Variants in MGLL observed in about 807,000 individuals in gnomAD.
MGLL encodes the protein monoglyceride lipase.
A neutral mutation model predicts 29.1 loss-of-function variants in MGLL; 7 were observed. That is an observed-to-expected ratio of 0.24 (90% CI 0.14 to 0.45). The LOEUF (loss-of-function observed/expected upper bound fraction) is 0.45, where lower values mean the gene tolerates loss of function less well. MGLL is among the 20% of genes least tolerant of loss of function. The pLI is 0.99. For missense variants in MGLL, 356 were observed against 413.6 expected, an observed-to-expected ratio of 0.86 and a Z score of 1.21; for synonymous variants, 148 against 168.3, an observed-to-expected ratio of 0.88 and a Z score of 0.93.
chr3:127,799,817 C>G (rs1028549876), intron 2 of MGLL, among the ~76,000 whole-genome samples: 16 of 152,238 alleles, frequency 1.1e-4, no homozygotes, highest in Admixed American at 4.6e-4. Flanking sequence ...GCATTTAACA[C>G]TGTCCTGTGG....
In MGLL at chr3:127,761,273, C is replaced by T. The variant is rs547945712; in HGVS notation, c.262+20516G>A. On this transcript the variant is annotated intron_variant, in intron 3 of 7. Coordinates refer to ENST00000265052, the MANE Select transcript of MGLL (RefSeq NM_007283.7). The surrounding 1 kb of genome is among the most constrained non-coding windows in gnomAD (Gnocchi z 4.6). ...TTCTGGGGTGCTGATGACCAGACTG[C>T]GTCACTTTCCAGGGCCCACTGGGCA... 2.2e-4 allele frequency among the ~76,000 whole-genome samples: 34 copies of T among 152,234 alleles called. No individual in the cohort carries two copies. The highest frequency in any genetic ancestry group is 3.7e-4 in the Non-Finnish European group (25 of 68,048).
At chr3:127,726,145 AAAGAAAG>A in intron 3 of MGLL, among the ~76,000 whole-genome samples, 1 of 26,668 alleles carries the variant, frequency 3.7e-5, no homozygotes. Context: ...AGAAAGAAAG[AAAGAAAG>A]AAAGAAAGAA....
chr3:127,742,357 A>G (rs577719424), intron 3 of MGLL, among the ~76,000 whole-genome samples: 1 of 152,204 alleles, frequency 6.6e-6, no homozygotes, highest in East Asian at 1.9e-4. Flanking sequence ...TGGGAGGCCA[A>G]TGTGGGTGGA....
chr3:127,818,455 C>T (rs953070603), intron 2 of MGLL, among the ~76,000 whole-genome samples: 12 of 151,992 alleles, frequency 7.9e-5, no homozygotes, highest in Non-Finnish European at 1.6e-4. Context: ...AGGAATTTCC[C>T]GCCTCTGTCT....
rs1204657508 is a variant in MGLL at position 127,761,278 on chromosome 3, C to CT, written c.262+20510dup. On this transcript the variant is annotated intron_variant, in intron 3 of 7. Coordinates refer to ENST00000265052, the MANE Select transcript of MGLL (RefSeq NM_007283.7). This position sits in a 1 kb window ranked among gnomAD's most constrained non-coding sequence, Gnocchi z 4.6. ...GGGTGCTGATGACCAGACTGCGTCA[C>CT]TTTCCAGGGCCCACTGGGCAAACTG... Among the ~76,000 whole-genome samples the CT allele has an allele frequency of 6.6e-6, 1 of 152,230 alleles. No homozygotes were observed. The highest frequency in any genetic ancestry group is 1.5e-5 in the Non-Finnish European group (1 of 68,032).
chr3:127,710,662 G>T lies in MGLL; in HGVS notation c.514C>A (p.Leu172Ile). 6.4e-7 allele frequency: 1 copy of T among 1,566,250 alleles called. No homozygotes were observed. ...ACAAGGTTGAGCACTTTCGCAGCAA[G>T]GACCTAGCCGGGGAGGGAAAACAAG... ...NPESATTFKV[L>I]AAKVLNLVLP... Residue 172 changes from leucine (L) to isoleucine (I), a missense_variant, in exon 6 of 8, where the codon CTT (leucine) becomes ATT (isoleucine). Coordinates refer to ENST00000265052, the MANE Select transcript of MGLL (RefSeq NM_007283.7).
At chr3:127,697,883 C>A (rs886855040) in intron 6 of MGLL, among the ~76,000 whole-genome samples, 1 of 152,212 alleles carries the variant, frequency 6.6e-6, no homozygotes, top group Non-Finnish European at 1.5e-5. Context: ...CATGCTGTCT[C>A]CAGGGCTCCC....
At position 127,761,274 on chromosome 3, in the gene MGLL, G is replaced by A. The variant is rs990023015; in HGVS notation, c.262+20515C>T. On this transcript the variant is annotated intron_variant, in intron 3 of 7. Transcript: ENST00000265052. This position sits in a 1 kb window ranked among gnomAD's most constrained non-coding sequence, Gnocchi z 4.6. The stretch of plus-strand genomic sequence containing the variant: ...TCTGGGGTGCTGATGACCAGACTGC[G>A]TCACTTTCCAGGGCCCACTGGGCAA... Among the ~76,000 whole-genome samples the A allele has an allele frequency of 6.6e-6, 1 of 152,180 alleles. No individual in the cohort carries two copies. The highest frequency in any genetic ancestry group is 2.4e-5 in the African/African-American group (1 of 41,428).
At position 127,691,920 on chromosome 3, in the gene MGLL, T is replaced by G; in HGVS notation, c.*278A>C. ...GGAGAGGCAGGGCAGAGGCTTGGCT[T>G]TGTTTTCAGTGGACATTTTAGCACA... is the stretch of plus-strand genomic sequence containing the variant. On this transcript the variant is annotated 3_prime_UTR_variant, in exon 8 of 8. Coordinates refer to ENST00000265052, the MANE Select transcript of MGLL (RefSeq NM_007283.7). 6 of 428,986 alleles carry G rather than the reference T, an allele frequency of 1.4e-5. No individual in the cohort carries two copies. Among genetic ancestry groups the G allele is most frequent in the Non-Finnish European group, 1.7e-5 (4 of 235,312 alleles). 26.6% of individuals were successfully genotyped at this position (428,986 alleles called of 1,614,324 possible).
At chr3:127,708,415 G>A (rs1021222051) in intron 6 of MGLL, among the ~76,000 whole-genome samples, 1 of 152,194 alleles carries the variant, frequency 6.6e-6, no homozygotes, top group Non-Finnish European at 1.5e-5. Flanking sequence ...GGGCTCGGAT[G>A]GGGGCTGTGG....
At chr3:127,758,299 T>C (rs2076700176) in intron 3 of MGLL, among the ~76,000 whole-genome samples, 1 of 152,200 alleles carries the variant, frequency 6.6e-6, no homozygotes, top group African/African-American at 2.4e-5. Flanking sequence ...TTATCTCCAA[T>C]GGACATACCC....
intron 3 of MGLL, among the ~76,000 whole-genome samples, chr3:127,730,481 C>T (rs1175040475): frequency 1.3e-5 from 2 of 152,210 alleles, no homozygotes; most frequent in Non-Finnish European, 2.9e-5. Flanking sequence ...GCAGCCTCTC[C>T]TTGAGGTCCT....
chr3:127,801,738 T>A (rs983214305), intron 2 of MGLL, among the ~76,000 whole-genome samples: 2 of 149,768 alleles, frequency 1.3e-5, no homozygotes, highest in Non-Finnish European at 3.0e-5. Context: ...AAAGAAAAAA[T>A]ATATATGTAT....
At chr3:127,808,102 C>A (rs931436275) in intron 2 of MGLL, among the ~76,000 whole-genome samples, 2 of 152,058 alleles carry the variant, frequency 1.3e-5, no homozygotes, top group African/African-American at 4.8e-5. Context: ...GCTTTCTTAT[C>A]AAAAATTTTG....
At chr3:127,815,710 A>G (rs1285312629) in intron 2 of MGLL, among the ~76,000 whole-genome samples, 1 of 152,100 alleles carries the variant, frequency 6.6e-6, no homozygotes, top group Non-Finnish European at 1.5e-5. Flanking sequence ...CCCAGCCCAC[A>G]CTCTGCTCAC....
At chr3:127,752,438 A>T (rs2076577402) in intron 3 of MGLL, among the ~76,000 whole-genome samples, 1 of 152,114 alleles carries the variant, frequency 6.6e-6, no homozygotes, top group Non-Finnish European at 1.5e-5. Flanking sequence ...TTCCATAAAC[A>T]GCACTTTATT....
At chr3:127,812,136 A>C (rs1199372440) in intron 2 of MGLL, among the ~76,000 whole-genome samples, 1 of 152,240 alleles carries the variant, frequency 6.6e-6, no homozygotes, top group Non-Finnish European at 1.5e-5. Context: ...GAATACCTTA[A>C]GACATGGACC....
At chr3:127,822,059 G>T in intron 1 of MGLL, 2 of 650,614 alleles carry the variant, frequency 3.1e-6, no homozygotes, top group Non-Finnish European at 2.6e-6. Flanking sequence ...TTTTTTAAGT[G>T]CCTCATTACA....
intron 3 of MGLL, among the ~76,000 whole-genome samples, chr3:127,739,574 T>C (rs977519357): frequency 2.6e-5 from 4 of 152,144 alleles, no homozygotes; most frequent in African/African-American, 9.7e-5. Context: ...AGCTCACCAC[T>C]GATGCTTTTA....
Sources: gnomAD v4.1 joint callset for allele counts (sites outside exome capture counted in the v4.1 genomes callset) on GRCh38, gnomAD v4.1.1 for gene constraint, Gnocchi (gnomAD v3.1) non-coding constraint, MANE v1.5 for transcripts, NCBI Gene and HGNC (gene_info 2026-07-23, HGNC 2026-07-21) for gene names.